The following OPN1SW variants were observed in gnomAD, a reference collection of about 807,000 sequenced individuals.
OPN1SW encodes the protein opsin 1, short wave sensitive.
Under a neutral mutation model 31.9 loss-of-function variants are expected in OPN1SW, and 25 were observed. The observed-to-expected ratio is 0.78, with a 90% confidence interval of 0.57 to 1.09. The LOEUF (loss-of-function observed/expected upper bound fraction) is 1.09, where lower values mean the gene tolerates loss of function less well. Among genes scored for constraint, OPN1SW ranks in the 50% least tolerant of loss-of-function variants. The pLI is 0.00. For missense variants in OPN1SW, 424 were observed against 448.0 expected (o/e 0.95, Z 0.48); for synonymous variants, 190 against 171.9 (o/e 1.11, Z -0.82).
chr7:128,774,034 G>A (rs45486505), intron 3 of OPN1SW, 146 bp from the exon 4 acceptor site: 374,987 of 1,121,942 alleles, frequency 0.33, 68,714 homozygotes, highest in Middle Eastern at 0.38. Flanking sequence ...CAGTGGTGCA[G>A]TCTCGGCTCA....
At chr7:128,772,937 C>T (rs926772265) in intron 4 of OPN1SW, among the ~76,000 whole-genome samples, 1 of 152,178 alleles carries the variant, frequency 6.6e-6, no homozygotes, top group South Asian at 2.1e-4. Context: ...AGCAGAGGCC[C>T]CTCCATTACT....
In OPN1SW at chr7:128,775,673, A is replaced by C; in HGVS notation, c.109T>G (p.Phe37Val). 1.2e-6 allele frequency: 2 copies of C among 1,614,124 alleles called. No individual in the cohort carries two copies. The highest frequency in any genetic ancestry group is 1.7e-6 in the Non-Finnish European group (2 of 1,180,002). Residue 37 changes from phenylalanine to valine, a missense_variant, in exon 1 of 5, where the codon TTC (phenylalanine) becomes GTC (valine). Phe to Val is a conservative substitution (Grantham distance 50, BLOSUM62 -1). Transcript: ENST00000249389. ...CCTATAAGGAAGACAGTGCCCATGA[A>C]AGCTGCCTGGAGGTAGAAGGCCCAG... is the stretch of plus-strand genomic sequence containing the variant. Reference protein sequence around the residue: ...PVWAFYLQAAFMGTVFLIGFP... With the variant: ...PVWAFYLQAAVMGTVFLIGFP...
intron 3 of OPN1SW, 58 bp downstream of exon 3, chr7:128,774,440 C>T: frequency 6.2e-7 from 1 of 1,604,108 alleles, no homozygotes. Flanking sequence ...TCAGAGCACT[C>T]TTCCTTCTCA....
rs747346814 is a variant in OPN1SW at position 128,772,533 on chromosome 7, T to TG, written c.*6dup. Reference sequence around the variant, plus strand: ...CTAGCTGTTGCAAACAGGCCAATATTGGGTCCTCAGTTGGGGCCAACTTGG... The same window carrying TG: ...CTAGCTGTTGCAAACAGGCCAATATTGGGGTCCTCAGTTGGGGCCAACTTGG... On this transcript the variant is annotated 3_prime_UTR_variant, in exon 5 of 5. Transcript: ENST00000249389. The TG allele has an allele frequency of 5.0e-6, 8 of 1,614,052 alleles. No homozygotes were observed. The highest frequency in any genetic ancestry group is 6.8e-6 in the Non-Finnish European group (8 of 1,180,024).
Position 128,773,701 on chromosome 7 carries a change from GAGA to G in OPN1SW, c.863_865del (p.Phe288del). 6.2e-7 allele frequency: 1 copy of G among 1,614,240 alleles called. No individual in the cohort carries two copies. The highest frequency in any genetic ancestry group is 8.5e-7 in the Non-Finnish European group (1 of 1,180,042). On this transcript the variant is annotated inframe_deletion, in exon 4 of 5. Transcript: ENST00000249389. ...GGGATTGTAGATGCAAGCACTCTTG[GAGA>G]AGAATGAAGGAATGGTGACAAGCCG...
In OPN1SW at chr7:128,774,479, A is replaced by G. The variant is rs371081478; in HGVS notation, c.678+19T>C. 3.1e-6 allele frequency: 5 copies of G among 1,613,212 alleles called. No individual in the cohort carries two copies. Among genetic ancestry groups the G allele is most frequent in the Non-Finnish European group, 4.2e-6 (5 of 1,180,016 alleles). On this transcript the variant is annotated intron_variant, in intron 3 of 4. Coordinates refer to ENST00000249389, the MANE Select transcript of OPN1SW (RefSeq NM_001385125.1). Reference sequence around the variant, plus strand: ...GGAGCCCCGAACCCCTTCTTCCCTGACTATCAAATGCCACTCACAGCTTTC... The same window carrying G: ...GGAGCCCCGAACCCCTTCTTCCCTGGCTATCAAATGCCACTCACAGCTTTC...
intron 2 of OPN1SW, 143 bp from the exon 3 acceptor site, chr7:128,774,806 A>C (rs1272300582): frequency 1.5e-5 from 21 of 1,369,228 alleles, no homozygotes; most frequent in Non-Finnish European, 2.0e-5. Flanking sequence ...GACTGGGAGA[A>C]GCTACAGCAA....
Position 128,773,781 on chromosome 7 carries a change from G to A in OPN1SW, c.786C>T (p.Tyr262=), listed in dbSNP as rs144995754. 15 of 1,613,996 alleles carry A rather than the reference G, an allele frequency of 9.3e-6. No individual in the cohort carries two copies. Among genetic ancestry groups the A allele is most frequent in the African/African-American group, 6.7e-5 (5 of 74,912 alleles). ...VGSFCVCYVP[Y]AAFAMYMVNN... is the part of the protein sequence containing the mutation. Reference sequence around the variant, plus strand: ...TGACCATGTACATGGCGAAGGCCGCGTAGGGCACGTAGCAGACACAGAAGG... The same window carrying A: ...TGACCATGTACATGGCGAAGGCCGCATAGGGCACGTAGCAGACACAGAAGG... Residue 262 remains tyrosine (Y), a synonymous_variant, in exon 4 of 5, where the codon TAC becomes TAT. Coordinates refer to ENST00000249389, the MANE Select transcript of OPN1SW (RefSeq NM_001385125.1).
At chr7:128,775,228 G>T (rs907862335) in intron 1 of OPN1SW, 74 bp from the exon 2 acceptor site, 3 of 1,520,108 alleles carry the variant, frequency 2.0e-6, no homozygotes, top group Non-Finnish European at 2.7e-6. Context: ...CAAACAGATC[G>T]GGTGGAGCAA....
Position 128,775,524 on chromosome 7 carries a change from G to A in OPN1SW, c.258C>T (p.Phe86=), listed in dbSNP as rs1317586918. ...CGTTACAGCTGGCGACGAAGACAGG[G>A]AAGACAGAGAAGATGCAGAGGAGGA... The part of the protein sequence containing the change: ...GGFLLCIFSV[F]PVFVASCNGY... The change falls in exon 1 of 5, where the codon TTC becomes TTT. Residue 86 remains phenylalanine, a synonymous_variant. Transcript: ENST00000249389. 6.2e-7 allele frequency: 1 copy of A among 1,614,076 alleles called. No individual in the cohort carries two copies. Among genetic ancestry groups the A allele is most frequent in the Non-Finnish European group, 8.5e-7 (1 of 1,179,966 alleles).
chr7:128,775,624 A>C lies in OPN1SW; in HGVS notation c.158T>G (p.Leu53Arg). The change falls in exon 1 of 5, where the codon CTG (leucine) becomes CGG (arginine). Residue 53 changes from leucine (L) to arginine (R), a missense_variant. By Grantham distance (102) the Leu-to-Arg change is moderately radical. Transcript: ENST00000249389. ...CTTTTTGTAGCGCAGTGTGGCCACC[A>C]GCACCATGGCATTGAGTGGGAACCC... ...LIGFPLNAMVLVATLRYKKLR... is the reference protein window; with the variant it reads ...LIGFPLNAMVRVATLRYKKLR... 1.2e-6 allele frequency: 2 copies of C among 1,614,212 alleles called. No homozygotes were observed. The highest frequency in any genetic ancestry group is 1.7e-6 in the Non-Finnish European group (2 of 1,180,024).
rs1801710066 is a variant in OPN1SW at position 128,774,423 on chromosome 7, TTA to T, written c.678+73_678+74del. ...CTGGCTATGGACATTTCCAGGCATC[TTA>T]TGTTTCAGAGCACTCTTCCTTCTCA... On this transcript the variant is annotated intron_variant, in intron 3 of 4. Coordinates refer to ENST00000249389, the MANE Select transcript of OPN1SW (RefSeq NM_001385125.1). The T allele has an allele frequency of 7.6e-6, 12 of 1,582,034 alleles. 1 individual carries two copies. The South Asian group carries it at 1.3e-4, about 18-fold the overall frequency.
chr7:128,775,314 G>C, intron 1 of OPN1SW, 125 bp downstream of exon 1: 1 of 1,289,908 alleles, frequency 7.8e-7, no homozygotes, highest in Non-Finnish European at 1.1e-6. Flanking sequence ...TTCTAGTCTG[G>C]GTTGCTTTGT....
chr7:128,774,393 C>T, intron 3 of OPN1SW, 105 bp downstream of exon 3: 2 of 1,452,152 alleles, frequency 1.4e-6, no homozygotes, highest in South Asian at 2.3e-5. Flanking sequence ...TTTTAGATAC[C>T]CTCTCTGGCT....
rs1801685287 is a variant in OPN1SW, at chr7:128,773,703, G to A, written c.864C>T (p.Phe288=). 6 of 1,614,142 alleles carry A rather than the reference G, an allele frequency of 3.7e-6. No individual in the cohort carries two copies. In the East Asian group the frequency reaches 1.3e-4, roughly 36 times the overall value. ...DLRLVTIPSF[F]SKSACIYNPI... The stretch of plus-strand genomic sequence containing the variant: ...GATTGTAGATGCAAGCACTCTTGGA[G>A]AAGAATGAAGGAATGGTGACAAGCC... The change falls in exon 4 of 5, where the codon TTC becomes TTT. Residue 288 remains phenylalanine (F), a synonymous_variant. Coordinates refer to ENST00000249389, the MANE Select transcript of OPN1SW (RefSeq NM_001385125.1).
intron 1 of OPN1SW, 116 bp downstream of exon 1, chr7:128,775,323 G>A (rs1801737325): frequency 7.6e-7 from 1 of 1,310,118 alleles, no homozygotes; most frequent in East Asian, 2.3e-5. Context: ...GGGTTGCTTT[G>A]TACCCCAGTA....
At chr7:128,773,605 A>C in intron 4 of OPN1SW, 44 bp downstream of exon 4, 1 of 1,613,746 alleles carries the variant, frequency 6.2e-7, no homozygotes, top group Non-Finnish European at 8.5e-7. Flanking sequence ...TGAGAAAAGA[A>C]CCAGGGTCTT....
At position 128,775,228 on chromosome 7, in the gene OPN1SW, G is replaced by A. The variant is rs907862335; in HGVS notation, c.344-74C>T. The A allele has an allele frequency of 3.6e-5, 55 of 1,520,232 alleles. No homozygotes were observed. In the South Asian group the frequency reaches 5.8e-4, roughly 16 times the overall value. The allele number at this position is 1,520,232 out of a possible 1,614,324, so 94.2% of individuals were successfully genotyped here. A position where few individuals can be genotyped will look rare whatever the true frequency, so the allele number is the denominator to read the frequency against. On this transcript the variant is annotated intron_variant, in intron 1 of 4. Transcript: ENST00000249389. ...TGGCTGGCAGAGTGGCAAACAGATC[G>A]GGTGGAGCAAGCACAGAGAGACAGG...
chr7:128,774,357 C>A, intron 3 of OPN1SW, 141 bp downstream of exon 3: 1 of 1,151,138 alleles, frequency 8.7e-7, no homozygotes, highest in Admixed American at 1.8e-5. Flanking sequence ...CTCCATCATT[C>A]TCCCTCCTCC....
Sources: allele counts gnomAD v4.1 joint callset (sites outside exome capture counted in the v4.1 genomes callset), GRCh38; gene constraint gnomAD v4.1.1; transcripts MANE v1.5; gene names NCBI Gene and HGNC (gene_info 2026-07-23, HGNC 2026-07-21).